CRYBG3: variants seen among roughly 807,000 people sequenced by gnomAD.
CRYBG3 encodes the protein crystallin beta-gamma domain containing 3, also known as very large A-kinase anchor protein.
Under a neutral mutation model 244.2 loss-of-function variants are expected in CRYBG3, and 127 were observed. The ratio of observed to expected loss-of-function variants is 0.52; its 90% confidence interval spans 0.45 to 0.60. The LOEUF is 0.60. Ranked by LOEUF, CRYBG3 falls within the 20% of genes least tolerant of loss-of-function variation. The pLI is 0.00. For missense variants in CRYBG3, 3,325 were observed against 3,442.5 expected, an observed-to-expected ratio of 0.97 and a Z score of 0.85; for synonymous variants, 1,132 against 1,195.8, an observed-to-expected ratio of 0.95 and a Z score of 1.10.
At chr3:97,843,854 C>T (rs919679985) in intron 2 of CRYBG3, among the ~76,000 whole-genome samples, 5 of 152,070 alleles carry the variant, frequency 3.3e-5, no homozygotes, top group African/African-American at 4.8e-5. Context: ...TATTCATAAG[C>T]GGTTTTCTAG....
At chr3:97,844,322 G>A (rs975361991) in intron 2 of CRYBG3, among the ~76,000 whole-genome samples, 9 of 152,204 alleles carry the variant, frequency 5.9e-5, no homozygotes, top group African/African-American at 1.9e-4. Context: ...CCAGCCTGCT[G>A]GTTTACCATT....
In CRYBG3 at chr3:97,843,187, T is replaced by C; in HGVS notation, c.150-8T>C. 1 of 1,494,638 alleles carries C rather than the reference T, an allele frequency of 6.7e-7. No homozygotes were observed. The highest frequency in any genetic ancestry group is 8.9e-7 in the Non-Finnish European group (1 of 1,126,302). The allele number at this position is 1,494,638 out of a possible 1,614,324, so 92.6% of individuals were successfully genotyped here. On this transcript the variant is annotated splice_polypyrimidine_tract_variant and splice_region_variant and intron_variant, in intron 1 of 21. Coordinates refer to ENST00000389622, the MANE Select transcript of CRYBG3 (RefSeq NM_153605.4). ...ATTTCAAAAGAAACTGTGGTTTTTA[T>C]TTTTCAGTGTTGAAAATGAGCCCAT...
rs76414364 is a variant in CRYBG3 at position 97,889,184 on chromosome 3, A to G, written c.7405-171A>G. Among the ~76,000 whole-genome samples the G allele has an allele frequency of 1.6e-3, 247 of 152,298 alleles. 2 individuals are homozygous for G. In the East Asian group the frequency reaches 0.025, roughly 15 times the overall value. The stretch of plus-strand genomic sequence containing the variant: ...GGAACACTATAACTTGGTTTTGGCT[A>G]CTATAGAGTTCTGTGCTTAAAGTTT... On this transcript the variant is annotated intron_variant, in intron 9 of 21. Coordinates refer to ENST00000389622, the MANE Select transcript of CRYBG3 (RefSeq NM_153605.4).
intron 17 of CRYBG3, among the ~76,000 whole-genome samples, chr3:97,919,969 C>T (rs915845077): frequency 6.6e-6 from 1 of 151,918 alleles, no homozygotes; most frequent in Admixed American, 6.6e-5. Context: ...GGGGTTTCAC[C>T]GTGTTGCCCA....
chr3:97,938,750 G>T (rs937870228), intron 19 of CRYBG3, among the ~76,000 whole-genome samples: 1 of 151,844 alleles, frequency 6.6e-6, no homozygotes, highest in Non-Finnish European at 1.5e-5. Flanking sequence ...AGTCTGATAT[G>T]GCTCTGGCTC....
chr3:97,857,257 A>G (rs1272535228), intron 2 of CRYBG3, among the ~76,000 whole-genome samples: 2 of 152,052 alleles, frequency 1.3e-5, no homozygotes, highest in Non-Finnish European at 2.9e-5. Flanking sequence ...TTGATTTCTT[A>G]AAAAATATGT....
At position 97,876,115 on chromosome 3, in the gene CRYBG3, C is replaced by A. The variant is rs2039368370; in HGVS notation, c.4921C>A (p.Pro1641Thr). The A allele has an allele frequency of 8.1e-7, 1 of 1,231,216 alleles. No homozygotes were observed. Among genetic ancestry groups the A allele is most frequent in the African/African-American group, 1.6e-5 (1 of 64,168 alleles). 76.3% of individuals were successfully genotyped at this position (1,231,216 alleles called of 1,614,324 possible). Reference protein sequence around the residue: ...IGKIEVIPMMPEVKNIHQKDA... With the variant: ...IGKIEVIPMMTEVKNIHQKDA... The stretch of plus-strand genomic sequence containing the variant: ...CAAAATTGAGGTGATACCTATGATG[C>A]CAGAAGTGAAAAATATCCACCAAAA... Residue 1641 changes from proline (P) to threonine (T), a missense_variant, in exon 4 of 22, where the codon CCA becomes ACA. Transcript: ENST00000389622.
chr3:97,894,663 C>T (rs1241620897), intron 11 of CRYBG3, among the ~76,000 whole-genome samples: 1 of 152,114 alleles, frequency 6.6e-6, no homozygotes, highest in Non-Finnish European at 1.5e-5. Flanking sequence ...ATTTGCGAAT[C>T]TTAATTGATC....
At chr3:97,850,546 T>C (rs977306884) in intron 2 of CRYBG3, among the ~76,000 whole-genome samples, 5 of 152,216 alleles carry the variant, frequency 3.3e-5, no homozygotes, top group African/African-American at 1.2e-4. Flanking sequence ...TGATGTGTGA[T>C]GATATAAAAG....
intron 9 of CRYBG3, 105 bp from the exon 10 acceptor site, chr3:97,889,250 C>A: frequency 1.1e-6 from 1 of 890,980 alleles, no homozygotes; most frequent in Non-Finnish European, 1.8e-6. Flanking sequence ...GTGTAATCTT[C>A]ACTGGTTAGA....
At chr3:97,917,173 A>G (rs2039937578) in intron 17 of CRYBG3, among the ~76,000 whole-genome samples, 2 of 152,220 alleles carry the variant, frequency 1.3e-5, no homozygotes, top group African/African-American at 2.4e-5. Flanking sequence ...TAGTGTTACT[A>G]TTTTTCTTTG....
chr3:97,826,147 C>T (rs1281676463), intron 1 of CRYBG3, among the ~76,000 whole-genome samples: 2 of 152,150 alleles, frequency 1.3e-5, no homozygotes, highest in Non-Finnish European at 2.9e-5. Flanking sequence ...AAAGCTTACT[C>T]TTGGCAGCAG....
At chr3:97,887,127 T>C (rs1478642492) in intron 8 of CRYBG3, among the ~76,000 whole-genome samples, 2 of 152,204 alleles carry the variant, frequency 1.3e-5, no homozygotes, top group African/African-American at 2.4e-5. Flanking sequence ...CAGGCACATA[T>C]GGCTTTTTTG....
intron 3 of CRYBG3, among the ~76,000 whole-genome samples, chr3:97,866,774 C>T (rs1000368038): frequency 4.6e-5 from 7 of 151,950 alleles, no homozygotes; most frequent in African/African-American, 2.4e-5. Context: ...TTTATTGTTA[C>T]TAAATAATAA....
intron 8 of CRYBG3, among the ~76,000 whole-genome samples, chr3:97,888,003 A>G (rs185190788): frequency 2.6e-5 from 4 of 152,314 alleles, no homozygotes; most frequent in Admixed American, 2.6e-4. Context: ...AGAATGGAAT[A>G]TAGTGAAATT....
At chr3:97,919,752 G>A (rs1419176471) in intron 17 of CRYBG3, among the ~76,000 whole-genome samples, 3 of 151,564 alleles carry the variant, frequency 2.0e-5, no homozygotes, top group African/African-American at 7.3e-5. Flanking sequence ...GATGCTTGGG[G>A]CGTTGGTGTA....
rs1190656958 is a variant in CRYBG3 at position 97,876,270 on chromosome 3, T to C, written c.5076T>C (p.Asn1692=). The change falls in exon 4 of 22, where the codon AAT becomes AAC. Residue 1692 remains asparagine (N), a synonymous_variant. Coordinates refer to ENST00000389622, the MANE Select transcript of CRYBG3 (RefSeq NM_153605.4). ...TGTIALSEVE[N]IHQKGGEGIS... ...CGATAGCCTTGTCAGAAGTGGAAAATATCCACCAAAAAGGTGGTGAAGGGA... is the reference window on the plus strand; with the variant it reads ...CGATAGCCTTGTCAGAAGTGGAAAACATCCACCAAAAAGGTGGTGAAGGGA... 1 of 1,231,482 alleles carries C rather than the reference T, an allele frequency of 8.1e-7. No homozygotes were observed. The highest frequency in any genetic ancestry group is 1.6e-5 in the African/African-American group (1 of 64,242). The allele number at this position is 1,231,482 out of a possible 1,614,324, so 76.3% of individuals were successfully genotyped here.
chr3:97,822,436 G>T (rs1345251193), intron 1 of CRYBG3, 81 bp downstream of exon 1: 17 of 1,296,740 alleles, frequency 1.3e-5, no homozygotes, highest in Non-Finnish European at 1.6e-5. Flanking sequence ...GCCGGCAGCG[G>T]GCCGCTCTTG....
intron 7 of CRYBG3, among the ~76,000 whole-genome samples, chr3:97,884,017 A>G (rs2039480392): frequency 6.6e-6 from 1 of 152,194 alleles, no homozygotes; most frequent in Admixed American, 6.5e-5. Context: ...TGTTTGTACA[A>G]CACAATGCAG....
Sources: gnomAD v4.1 joint callset for allele counts (sites outside exome capture counted in the v4.1 genomes callset) on GRCh38, gnomAD v4.1.1 for gene constraint, MANE v1.5 for transcripts, NCBI Gene and HGNC (gene_info 2026-07-23, HGNC 2026-07-21) for gene names.